CMSS1: variants seen among roughly 807,000 people sequenced by gnomAD.
CMSS1 encodes protein CMSS1.
Under a neutral mutation model 43.5 loss-of-function variants are expected in CMSS1, and 33 were observed. The observed-to-expected ratio is 0.76, with a 90% CI of 0.57 to 1.01. CMSS1 has a LOEUF of 1.01. Ranked by LOEUF, CMSS1 falls within the 50% of genes least tolerant of loss-of-function variation. The pLI is 0.00. For missense variants in CMSS1, 313 were observed against 326.4 expected (o/e 0.96, Z 0.32); for synonymous variants, 115 against 117.2 (o/e 0.98, Z 0.12).
chr3:100,106,428 C>T (rs769397468), intron 1 of CMSS1, among the ~76,000 whole-genome samples: 66 of 152,032 alleles, frequency 4.3e-4, no homozygotes, highest in Non-Finnish European at 7.9e-4. Context: ...AAGATATGGC[C>T]CCAGGGACAA....
At chr3:100,103,032 T>C (rs1005846374) in intron 1 of CMSS1, among the ~76,000 whole-genome samples, 4 of 152,198 alleles carry the variant, frequency 2.6e-5, no homozygotes, top group African/African-American at 4.8e-5. Flanking sequence ...AGGTTGAGGC[T>C]TGGGAGACTA....
chr3:99,904,693 C>A (rs78248356), intron 1 of CMSS1, among the ~76,000 whole-genome samples: 2,382 of 152,104 alleles, frequency 0.016, 37 homozygotes, highest in Non-Finnish European at 0.024. Flanking sequence ...AATTTTACCC[C>A]ATTATCACTG....
chr3:100,115,896 G>GA (rs2066563552), intron 1 of CMSS1, among the ~76,000 whole-genome samples: 1 of 152,040 alleles, frequency 6.6e-6, no homozygotes, highest in Non-Finnish European at 1.5e-5. Flanking sequence ...GCATTTAGTT[G>GA]CCTTGTCTCT....
chr3:99,860,170 A>G (rs1304711408), intron 1 of CMSS1, among the ~76,000 whole-genome samples: 2 of 152,164 alleles, frequency 1.3e-5, no homozygotes, highest in African/African-American at 4.8e-5. Flanking sequence ...GGTTAATACT[A>G]TTTTCCTTCA....
Position 100,121,293 on chromosome 3 carries a change from CGT to C in CMSS1, c.65-25675_65-25674del, listed in dbSNP as rs753963295. 4.7e-3 allele frequency among the ~76,000 whole-genome samples: 707 copies of C among 148,986 alleles called. 2 individuals are homozygous for C. The highest frequency in any genetic ancestry group is 6.6e-3 in the South Asian group (30 of 4,532). ...TGTGTGATGTTCCCCTCCCTGTGTC[CGT>C]GTGTTTTCATTGTTCAGCTCCCACT... On this transcript the variant is annotated intron_variant, in intron 1 of 9. Coordinates refer to ENST00000421999, the MANE Select transcript of CMSS1 (RefSeq NM_032359.4).
intron 1 of CMSS1, among the ~76,000 whole-genome samples, chr3:100,098,452 A>G (rs1482244475): frequency 2.6e-5 from 4 of 152,230 alleles, no homozygotes. Flanking sequence ...TTGAAATTAA[A>G]TAAGTTAGTG....
At chr3:100,119,088 G>A (rs942656723) in intron 1 of CMSS1, among the ~76,000 whole-genome samples, 6 of 152,002 alleles carry the variant, frequency 3.9e-5, no homozygotes, top group African/African-American at 1.4e-4. Context: ...AACATTATGT[G>A]AGTCTGTGAA....
At chr3:99,873,332 G>A (rs1430250971) in intron 1 of CMSS1, among the ~76,000 whole-genome samples, 2 of 152,188 alleles carry the variant, frequency 1.3e-5, no homozygotes, top group Non-Finnish European at 2.9e-5. Flanking sequence ...AACAGATAAG[G>A]TAGGGTGTAT....
At chr3:100,124,025 C>T (rs1364910257) in intron 1 of CMSS1, among the ~76,000 whole-genome samples, 1 of 152,180 alleles carries the variant, frequency 6.6e-6, no homozygotes, top group Non-Finnish European at 1.5e-5. Flanking sequence ...ATATATTTGT[C>T]AGGTGGTTAC....
intron 1 of CMSS1, chr3:99,924,188 T>G (rs541762758): frequency 6.4e-7 from 1 of 1,560,570 alleles, no homozygotes; most frequent in African/African-American, 1.4e-5. Flanking sequence ...GGCCAGCTCA[T>G]AGATTGCAGA....
intron 1 of CMSS1, among the ~76,000 whole-genome samples, chr3:99,977,368 T>C (rs938845436): frequency 2.6e-5 from 4 of 151,676 alleles, no homozygotes; most frequent in African/African-American, 9.7e-5. Flanking sequence ...ATTAGGAGAA[T>C]AGAGAGATCT....
intron 1 of CMSS1, among the ~76,000 whole-genome samples, chr3:99,967,022 A>G (rs747157030): frequency 5.9e-5 from 9 of 152,140 alleles, no homozygotes; most frequent in African/African-American, 9.7e-5. Flanking sequence ...TTGGATCCCT[A>G]TTGAGAAGAA....
At chr3:100,149,405 G>A (rs1344856960) in intron 2 of CMSS1, among the ~76,000 whole-genome samples, 1 of 152,088 alleles carries the variant, frequency 6.6e-6, no homozygotes, top group Admixed American at 6.5e-5. Flanking sequence ...AGGAAAATTG[G>A]ATTAACCGTG....
At chr3:99,864,122 A>G (rs1011065666) in intron 1 of CMSS1, among the ~76,000 whole-genome samples, 6 of 152,236 alleles carry the variant, frequency 3.9e-5, no homozygotes, top group Non-Finnish European at 7.3e-5. Flanking sequence ...GAAATTATTA[A>G]GATAGATTGT....
intron 1 of CMSS1, among the ~76,000 whole-genome samples, chr3:99,882,206 T>C (rs909480938): frequency 3.9e-5 from 6 of 152,216 alleles, no homozygotes; most frequent in Non-Finnish European, 7.3e-5. Flanking sequence ...TCTTCTAAGA[T>C]TATTTTTATG....
intron 1 of CMSS1, among the ~76,000 whole-genome samples, chr3:99,861,466 T>C (rs1944249893): frequency 6.6e-6 from 1 of 152,226 alleles, no homozygotes; most frequent in Non-Finnish European, 1.5e-5. Flanking sequence ...AGCATTGTGA[T>C]GGTGCTCCTC....
chr3:99,990,801 G>A (rs1709488830), intron 1 of CMSS1, among the ~76,000 whole-genome samples: 2 of 152,086 alleles, frequency 1.3e-5, no homozygotes, highest in Non-Finnish European at 2.9e-5. Flanking sequence ...ATACCTTTCT[G>A]GAATTCCATA....
chr3:100,006,813 A>G (rs1281328016), intron 1 of CMSS1, among the ~76,000 whole-genome samples: 1 of 152,248 alleles, frequency 6.6e-6, no homozygotes, highest in Non-Finnish European at 1.5e-5. Context: ...AAAGTAAACA[A>G]GCATTCTTGA....
chr3:99,958,224 T>TATC (rs1708393063), intron 1 of CMSS1, among the ~76,000 whole-genome samples: 1 of 146,548 alleles, frequency 6.8e-6, no homozygotes, highest in Non-Finnish European at 1.5e-5. Context: ...TTATTATTAT[T>TATC]ATTATTATTA....
Sources: allele counts gnomAD v4.1 joint callset (sites outside exome capture counted in the v4.1 genomes callset), GRCh38; gene constraint gnomAD v4.1.1; transcripts MANE v1.5; gene names NCBI Gene and HGNC (gene_info 2026-07-23, HGNC 2026-07-21).